Variants in SBNO1 observed in about 807,000 individuals in gnomAD.
SBNO1 encodes the protein protein strawberry notch homolog 1.
In SBNO1, 23 loss-of-function variants were observed where a neutral mutation model predicts 173.6. The ratio of observed to expected loss-of-function variants is 0.13; its 90% confidence interval spans 0.10 to 0.19. The LOEUF (loss-of-function observed/expected upper bound fraction) is 0.19. SBNO1 is among the 10% of genes least tolerant of loss of function. SBNO1 has a pLI of 1.00. For missense variants in SBNO1, 1,238 were observed against 1,671.2 expected, an observed-to-expected ratio of 0.74 and a Z score of 4.52; for synonymous variants, 632 against 571.5, an observed-to-expected ratio of 1.11 and a Z score of -1.51.
At position 123,295,611 on chromosome 12, in the gene SBNO1, C is replaced by A. The variant is rs1228094522; in HGVS notation, c.*297G>T. ...ACCAACTGTGGTCTGTAGCCTTTAACACACTCACAAACAGACTGACACACA... is the reference window on the plus strand; with the variant it reads ...ACCAACTGTGGTCTGTAGCCTTTAAAACACTCACAAACAGACTGACACACA... On this transcript the variant is annotated 3_prime_UTR_variant, in exon 32 of 32. Transcript: ENST00000602398. 4 of 297,048 alleles carry A rather than the reference C, an allele frequency of 1.3e-5. No homozygotes were observed. Among genetic ancestry groups the A allele is most frequent in the Admixed American group, 4.4e-5 (1 of 22,968 alleles). The allele number at this position is 297,048 out of a possible 1,614,324, so 18.4% of individuals were successfully genotyped here. A position where few individuals can be genotyped will look rare whatever the true frequency, so the allele number is the denominator to read the frequency against.
intron 21 of SBNO1, among the ~76,000 whole-genome samples, chr12:123,316,111 C>T (rs1414680534): frequency 6.6e-6 from 1 of 152,126 alleles, no homozygotes; most frequent in African/African-American, 2.4e-5. Flanking sequence ...ATATTTTTTA[C>T]AACTTGTAAA....
chr12:123,354,631 A>G (rs1226306313), intron 1 of SBNO1, among the ~76,000 whole-genome samples: 6 of 152,232 alleles, frequency 3.9e-5, no homozygotes. Context: ...AGAGCCCTTA[A>G]AAACTTGTAT....
chr12:123,324,976 A>AT (rs1281564381), intron 15 of SBNO1, among the ~76,000 whole-genome samples: 3 of 151,058 alleles, frequency 2.0e-5, no homozygotes, highest in Non-Finnish European at 3.0e-5. Context: ...TGCCCAACTA[A>AT]TTTTTTTTAT....
intron 1 of SBNO1, among the ~76,000 whole-genome samples, chr12:123,350,650 A>G (rs1467421015): frequency 6.6e-6 from 1 of 152,230 alleles, no homozygotes; most frequent in Non-Finnish European, 1.5e-5. Flanking sequence ...AGAAGTACAT[A>G]AATCATAGCA....
At chr12:123,311,536 G>T (rs892047762) in intron 24 of SBNO1, among the ~76,000 whole-genome samples, 3 of 151,946 alleles carry the variant, frequency 2.0e-5, no homozygotes, top group African/African-American at 7.3e-5. Flanking sequence ...CATATTTTTA[G>T]TAGAGTCGGG....
At chr12:123,346,797 G>C (rs1873209247) in intron 3 of SBNO1, among the ~76,000 whole-genome samples, 1 of 151,930 alleles carries the variant, frequency 6.6e-6, no homozygotes. Context: ...TCTTTGTGGG[G>C]CTGGGAGCGG....
At chr12:123,316,441 CTTGA>C (rs1869277067) in intron 21 of SBNO1, among the ~76,000 whole-genome samples, 1 of 152,138 alleles carries the variant, frequency 6.6e-6, no homozygotes, top group Admixed American at 6.5e-5. Context: ...TCATCCTGGT[CTTGA>C]ACTCCCGACC....
chr12:123,308,373 A>C (rs780377248), intron 28 of SBNO1, among the ~76,000 whole-genome samples: 19 of 152,154 alleles, frequency 1.2e-4, no homozygotes, highest in Admixed American at 2.6e-4. Context: ...AAAAATGCTT[A>C]ATTTAAGAAA....
At chr12:123,306,107 A>C (rs150463209) in intron 28 of SBNO1, among the ~76,000 whole-genome samples, 3 of 152,316 alleles carry the variant, frequency 2.0e-5, no homozygotes, top group African/African-American at 7.2e-5. Flanking sequence ...AACGAATTGA[A>C]ACATTGTTTA....
intron 24 of SBNO1, among the ~76,000 whole-genome samples, chr12:123,311,722 A>ATCTATC (rs55840692): frequency 0.19 from 17,637 of 93,184 alleles, 1,170 homozygotes; most frequent in South Asian, 0.23. Flanking sequence ...CTATCTATCT[A>ATCTATC]TATATATATA....
Position 123,347,292 on chromosome 12 carries a change from T to C in SBNO1, c.237+737A>G, listed in dbSNP as rs572311241. 2.6e-5 allele frequency among the ~76,000 whole-genome samples: 4 copies of C among 151,922 alleles called. No individual in the cohort carries two copies. In the South Asian group the frequency reaches 6.2e-4, roughly 24 times the overall value. On this transcript the variant is annotated intron_variant, in intron 3 of 31. Coordinates refer to ENST00000602398, the MANE Select transcript of SBNO1 (RefSeq NM_001167856.3). ...CCCAGGCTGGAGTGCAGCGGTCCCA[T>C]CTCGGCTCACTGCAAGTTCTACCTC...
At chr12:123,343,739 T>C (rs1438928909) in intron 4 of SBNO1, among the ~76,000 whole-genome samples, 1 of 152,064 alleles carries the variant, frequency 6.6e-6, no homozygotes, top group Non-Finnish European at 1.5e-5. Flanking sequence ...AGTTTCACCA[T>C]CTTGGCCAGG....
chr12:123,357,544 C>A (rs1214455966), intron 1 of SBNO1, among the ~76,000 whole-genome samples: 1 of 151,978 alleles, frequency 6.6e-6, no homozygotes, highest in Non-Finnish European at 1.5e-5. Flanking sequence ...AGATTGAGAC[C>A]ATCCTGGCCA....
intron 1 of SBNO1, among the ~76,000 whole-genome samples, chr12:123,353,070 T>A (rs1040554041): frequency 6.6e-6 from 1 of 152,118 alleles, no homozygotes; most frequent in Non-Finnish European, 1.5e-5. Flanking sequence ...AGTGCTAGGA[T>A]TAGAGGCGTG....
intron 1 of SBNO1, among the ~76,000 whole-genome samples, chr12:123,355,975 G>A (rs1874418043): frequency 1.3e-5 from 2 of 152,112 alleles, no homozygotes; most frequent in South Asian, 4.2e-4. Flanking sequence ...TTCCCATTCA[G>A]AATACCAACA....
intron 25 of SBNO1, 30 bp from the exon 26 acceptor site, chr12:123,309,886 G>A (rs2049010657): frequency 1.3e-6 from 2 of 1,523,980 alleles, no homozygotes; most frequent in East Asian, 4.5e-5. Context: ...ACGTTTTCAT[G>A]CAAATGATAA....
At chr12:123,302,347 A>G (rs887483184) in intron 30 of SBNO1, among the ~76,000 whole-genome samples, 1 of 150,932 alleles carries the variant, frequency 6.6e-6, no homozygotes, top group Non-Finnish European at 1.5e-5. Flanking sequence ...GGTTCAAGCG[A>G]TTCTCCTGCC....
At chr12:123,324,262 G>A (rs940542192) in intron 15 of SBNO1, among the ~76,000 whole-genome samples, 9 of 151,910 alleles carry the variant, frequency 5.9e-5, no homozygotes, top group Admixed American at 3.3e-4. Context: ...TTCTGGACAC[G>A]GTAGTTCTAG....
chr12:123,298,687 G>A (rs1261241350), intron 30 of SBNO1, among the ~76,000 whole-genome samples: 1 of 152,170 alleles, frequency 6.6e-6, no homozygotes, highest in Non-Finnish European at 1.5e-5. Context: ...GATTTTTTCA[G>A]GGGCCTGCCT....
Sources: allele counts gnomAD v4.1 joint callset (sites outside exome capture counted in the v4.1 genomes callset), GRCh38; gene constraint gnomAD v4.1.1; transcripts MANE v1.5; gene names NCBI Gene and HGNC (gene_info 2026-07-23, HGNC 2026-07-21).